The following KCNB2 variants were observed in gnomAD, a reference collection of about 807,000 sequenced individuals.
KCNB2 encodes delayed rectifier potassium channel protein.
KCNB2 carries 15 observed loss-of-function variants against 61.5 expected under a neutral mutation model. The observed-to-expected ratio is 0.24, with a 90% CI of 0.16 to 0.38. The LOEUF (loss-of-function observed/expected upper bound fraction) is 0.38. Ranked by LOEUF, KCNB2 falls within the 10% of genes least tolerant of loss-of-function variation. KCNB2 has a pLI of 1.00. For missense variants in KCNB2, 828 were observed against 1,125.2 expected (o/e 0.74, Z 3.78); for synonymous variants, 457 against 446.0 (o/e 1.02, Z -0.31).
chr8:72,838,219 CTCG>C (rs1177824808), intron 2 of KCNB2, among the ~76,000 whole-genome samples: 1 of 152,128 alleles, frequency 6.6e-6, no homozygotes, highest in Non-Finnish European at 1.5e-5. Flanking sequence ...CACCCATCAA[CTCG>C]TCATTTACAT....
chr8:72,586,388 C>T (rs1036460295), intron 2 of KCNB2, among the ~76,000 whole-genome samples: 2 of 151,994 alleles, frequency 1.3e-5, no homozygotes, highest in Non-Finnish European at 2.9e-5. Flanking sequence ...GATTAGTTCA[C>T]CAAAAAGACA....
At chr8:72,852,750 G>T (rs1810140418) in intron 2 of KCNB2, among the ~76,000 whole-genome samples, 1 of 152,060 alleles carries the variant, frequency 6.6e-6, no homozygotes, top group African/African-American at 2.4e-5. Flanking sequence ...GTACTGAAAA[G>T]TTTTAATTGT....
At chr8:72,823,488 G>A (rs993186386) in intron 2 of KCNB2, among the ~76,000 whole-genome samples, 1 of 152,108 alleles carries the variant, frequency 6.6e-6, no homozygotes, top group Non-Finnish European at 1.5e-5. Context: ...CGTGATCTGA[G>A]TTCAGTCAAA....
At chr8:72,704,628 C>T (rs1277451933) in intron 2 of KCNB2, among the ~76,000 whole-genome samples, 1 of 152,060 alleles carries the variant, frequency 6.6e-6, no homozygotes, top group Non-Finnish European at 1.5e-5. Flanking sequence ...CAGAGGGACT[C>T]TCCTACCTAG....
At chr8:72,890,293 G>C (rs1317450344) in intron 2 of KCNB2, among the ~76,000 whole-genome samples, 1 of 152,198 alleles carries the variant, frequency 6.6e-6, no homozygotes, top group Non-Finnish European at 1.5e-5. Context: ...AGCTTTTCAA[G>C]TCTAGTTGAG....
intron 1 of KCNB2, among the ~76,000 whole-genome samples, chr8:72,544,304 G>T (rs939515097): frequency 6.6e-6 from 1 of 152,222 alleles, no homozygotes; most frequent in Non-Finnish European, 1.5e-5. Context: ...AGGATTAGAT[G>T]TGAAAGGTGT....
At chr8:72,540,132 A>AT (rs1299215162) in intron 1 of KCNB2, among the ~76,000 whole-genome samples, 2 of 152,218 alleles carry the variant, frequency 1.3e-5, no homozygotes, top group African/African-American at 4.8e-5. Context: ...AGAGATCAGT[A>AT]TATGTGTATA....
intron 2 of KCNB2, among the ~76,000 whole-genome samples, chr8:72,582,720 C>T (rs1806924126): frequency 6.6e-6 from 1 of 152,194 alleles, no homozygotes; most frequent in Non-Finnish European, 1.5e-5. Flanking sequence ...TCAAGCAATT[C>T]TCCTGCCTCA....
intron 2 of KCNB2, among the ~76,000 whole-genome samples, chr8:72,753,985 G>T (rs985501591): frequency 1.3e-5 from 2 of 152,102 alleles, no homozygotes; most frequent in Non-Finnish European, 2.9e-5. Context: ...GGCGCCTGCA[G>T]TTCAGGTACT....
intron 1 of KCNB2, among the ~76,000 whole-genome samples, chr8:72,565,625 A>G (rs1447048726): frequency 1.3e-5 from 2 of 150,482 alleles, no homozygotes; most frequent in Non-Finnish European, 2.9e-5. Context: ...CACACAGGAG[A>G]AAAGAGCCAT....
At chr8:72,834,634 A>C (rs542349817) in intron 2 of KCNB2, among the ~76,000 whole-genome samples, 1 of 152,168 alleles carries the variant, frequency 6.6e-6, no homozygotes, top group Admixed American at 6.5e-5. Context: ...TCCTGAGGCA[A>C]CTTCAGTCTC....
At chr8:72,742,890 T>C (rs1054881988) in intron 2 of KCNB2, among the ~76,000 whole-genome samples, 4 of 152,192 alleles carry the variant, frequency 2.6e-5, no homozygotes, top group Non-Finnish European at 5.9e-5. Context: ...AAATGATAGC[T>C]ACACTTTAAC....
intron 2 of KCNB2, among the ~76,000 whole-genome samples, chr8:72,735,299 G>A (rs1807824090): frequency 6.6e-6 from 1 of 151,988 alleles, no homozygotes; most frequent in South Asian, 2.1e-4. Context: ...AAGTATTGAG[G>A]CTTTTAAAAG....
chr8:72,875,411 A>T (rs1164617306), intron 2 of KCNB2, among the ~76,000 whole-genome samples: 3 of 152,134 alleles, frequency 2.0e-5, no homozygotes, highest in Non-Finnish European at 4.4e-5. Context: ...TTTTAACAAG[A>T]TCCCCCAGGT....
chr8:72,924,729 C>T (rs1806601517), intron 2 of KCNB2, among the ~76,000 whole-genome samples: 1 of 152,136 alleles, frequency 6.6e-6, no homozygotes, highest in Non-Finnish European at 1.5e-5. Context: ...AATTATGAGT[C>T]CTTGGTGGTT....
chr8:72,789,101 C>T (rs537580672), intron 2 of KCNB2, among the ~76,000 whole-genome samples: 10 of 152,224 alleles, frequency 6.6e-5, no homozygotes, highest in South Asian at 4.2e-4. Flanking sequence ...GTAATTGTGA[C>T]GAGCCAGAAA....
intron 2 of KCNB2, among the ~76,000 whole-genome samples, chr8:72,582,271 G>T (rs1254380061): frequency 6.6e-6 from 1 of 152,210 alleles, no homozygotes; most frequent in Non-Finnish European, 1.5e-5. Context: ...GCAGCAGAGG[G>T]ACCGCAGAAG....
chr8:72,754,024 C>T (rs1388500362), intron 2 of KCNB2, among the ~76,000 whole-genome samples: 6 of 152,082 alleles, frequency 3.9e-5, no homozygotes, highest in Non-Finnish European at 8.8e-5. Flanking sequence ...AACAGAGTCT[C>T]CCTGGGAAAG....
intron 2 of KCNB2, among the ~76,000 whole-genome samples, chr8:72,715,272 G>T (rs1019753452): frequency 3.3e-5 from 5 of 152,086 alleles, no homozygotes; most frequent in African/African-American, 1.2e-4. Context: ...CGTTAACAAG[G>T]ATATCCAGGA....
Sources: allele counts gnomAD v4.1 joint callset (sites outside exome capture counted in the v4.1 genomes callset), GRCh38; gene constraint gnomAD v4.1.1; transcripts MANE v1.5; gene names NCBI Gene and HGNC (gene_info 2026-07-23, HGNC 2026-07-21).